The following RERE variants were observed in gnomAD, a reference collection of about 807,000 sequenced individuals.
The protein encoded by RERE is arginine-glutamic acid dipeptide repeats protein.
RERE carries 40 observed loss-of-function variants against 146.1 expected under a neutral mutation model. The observed-to-expected ratio is 0.27, with a 90% CI of 0.21 to 0.36. The LOEUF is 0.36. RERE is among the 10% of genes least tolerant of loss of function. The pLI, the probability that RERE is intolerant of heterozygous loss-of-function variation, is 1.00. For missense variants in RERE, 1,933 were observed against 2,138.7 expected (o/e 0.90, Z 1.90); for synonymous variants, 1,003 against 866.0 (o/e 1.16, Z -2.78).
chr1:8,583,894 C>T (rs943496027), intron 4 of RERE, among the ~76,000 whole-genome samples: 1 of 151,598 alleles, frequency 6.6e-6, no homozygotes, highest in Admixed American at 6.6e-5. Flanking sequence ...TTATACAAAC[C>T]TCATATAATG....
At chr1:8,795,666 C>T (rs770321952) in intron 1 of RERE, among the ~76,000 whole-genome samples, 1 of 152,030 alleles carries the variant, frequency 6.6e-6, no homozygotes, top group South Asian at 2.1e-4. Context: ...CAGTTCAGGA[C>T]ATTTTAGTGA....
chr1:8,422,748 C>T lies in RERE; in HGVS notation c.1263G>A (p.Glu421=). The change falls in exon 12 of 23, where the codon GAG becomes GAA. Residue 421 remains glutamate, a synonymous_variant. Coordinates refer to ENST00000400908, the MANE Select transcript of RERE (RefSeq NM_001042681.2). ...TCACTGTTTCCTTATTGGGAAGCAG[C>T]TCCTTTCTAATTCTGAAGAAGTTCT... is the stretch of plus-strand genomic sequence containing the variant. The part of the protein sequence containing the change: ...YGKNFFRIRK[E]LLPNKETGEL... 2.5e-6 allele frequency: 4 copies of T among 1,613,582 alleles called. No individual in the cohort carries two copies. The highest frequency in any genetic ancestry group is 1.7e-4 in the Middle Eastern group (1 of 6,056).
intron 1 of RERE, among the ~76,000 whole-genome samples, chr1:8,760,960 T>C (rs1640746145): frequency 6.6e-6 from 1 of 152,188 alleles, no homozygotes; most frequent in South Asian, 2.1e-4. Flanking sequence ...CATTTAGCTA[T>C]TATCAGCTCC....
At chr1:8,764,109 T>C (rs1640804810) in intron 1 of RERE, among the ~76,000 whole-genome samples, 1 of 151,972 alleles carries the variant, frequency 6.6e-6, no homozygotes, top group African/African-American at 2.4e-5. Context: ...CTTATCAAGA[T>C]GGTTCCCACG....
chr1:8,800,458 T>C (rs1641566612), intron 1 of RERE, among the ~76,000 whole-genome samples: 1 of 152,058 alleles, frequency 6.6e-6, no homozygotes, highest in East Asian at 1.9e-4. Context: ...CGAAAGTATA[T>C]CTTAAAATTC....
chr1:8,369,620 T>C (rs2124385642), intron 12 of RERE, among the ~76,000 whole-genome samples: 1 of 150,686 alleles, frequency 6.6e-6, no homozygotes, highest in African/African-American at 2.4e-5. Flanking sequence ...AACTTACAAT[T>C]CAGGAAGGTG....
intron 2 of RERE, among the ~76,000 whole-genome samples, chr1:8,630,932 T>C (rs1234494574): frequency 2.0e-5 from 3 of 152,236 alleles, no homozygotes; most frequent in Non-Finnish European, 4.4e-5. Flanking sequence ...TCCCCTCTTT[T>C]TTAAACATAA....
intron 4 of RERE, among the ~76,000 whole-genome samples, chr1:8,579,031 G>A (rs927459422): frequency 3.4e-4 from 52 of 152,286 alleles, no homozygotes; most frequent in African/African-American, 1.2e-3. Context: ...CCAAAGAAAT[G>A]TTTCTTGAAA....
chr1:8,512,253 T>C (rs531462467), intron 7 of RERE, among the ~76,000 whole-genome samples: 2 of 150,776 alleles, frequency 1.3e-5, no homozygotes, highest in East Asian at 1.9e-4. Flanking sequence ...CAGGATGGTC[T>C]CGATCTCCTG....
At chr1:8,557,385 AAC>A (rs762217264) in intron 5 of RERE, 31 bp downstream of exon 5, 2 of 1,375,916 alleles carry the variant, frequency 1.5e-6, no homozygotes, top group Non-Finnish European at 2.1e-6. Context: ...AAAGCTAAGA[AAC>A]ACACAAATCA....
At chr1:8,754,821 AGTTAATT>A (rs1640605245) in intron 1 of RERE, among the ~76,000 whole-genome samples, 1 of 152,208 alleles carries the variant, frequency 6.6e-6, no homozygotes, top group African/African-American at 2.4e-5. Flanking sequence ...AAAACCAGTA[AGTTAATT>A]GTTTTCCATG....
In RERE at chr1:8,528,921, G is replaced by T. The variant is rs540096406; in HGVS notation, c.830+12293C>A. Among the ~76,000 whole-genome samples, 17 of 152,288 alleles carry T rather than the reference G, an allele frequency of 1.1e-4. No individual in the cohort carries two copies. In the East Asian group the frequency reaches 2.7e-3, roughly 24 times the overall value. On this transcript the variant is annotated intron_variant, in intron 7 of 22. Coordinates refer to ENST00000400908, the MANE Select transcript of RERE (RefSeq NM_001042681.2). ...TGAAACAAGGTTTTGATTGGGTTTTGATTGTGATCTGTCACAGGAGGTCAG... is the reference window on the plus strand; with the variant it reads ...TGAAACAAGGTTTTGATTGGGTTTTTATTGTGATCTGTCACAGGAGGTCAG...
chr1:8,766,984 A>C (rs1359932622), intron 1 of RERE, among the ~76,000 whole-genome samples: 1 of 152,218 alleles, frequency 6.6e-6, no homozygotes, highest in East Asian at 1.9e-4. Context: ...ATGTATCAAA[A>C]ACTGCATTAT....
intron 7 of RERE, among the ~76,000 whole-genome samples, chr1:8,513,242 T>C (rs529433444): frequency 3.2e-3 from 484 of 152,288 alleles, no homozygotes; most frequent in South Asian, 0.011. Flanking sequence ...AAAATAGCAA[T>C]AAGCCCATTA....
intron 10 of RERE, among the ~76,000 whole-genome samples, chr1:8,474,474 A>G (rs1344853973): frequency 6.6e-6 from 1 of 152,196 alleles, no homozygotes; most frequent in East Asian, 1.9e-4. Flanking sequence ...ACATCTCTGG[A>G]TCTCAGGCAG....
At chr1:8,758,585 C>T (rs189008620) in intron 1 of RERE, among the ~76,000 whole-genome samples, 16 of 151,668 alleles carry the variant, frequency 1.1e-4, no homozygotes, top group African/African-American at 3.9e-4. Context: ...TTTGTAGTGA[C>T]GAGGTCTCGC....
At chr1:8,446,002 C>G (rs1459524400) in intron 11 of RERE, among the ~76,000 whole-genome samples, 1 of 152,168 alleles carries the variant, frequency 6.6e-6, no homozygotes, top group Non-Finnish European at 1.5e-5. Flanking sequence ...GTGGCTGGCG[C>G]CTGTTGTTCC....
At chr1:8,431,434 C>T (rs1230479819) in intron 11 of RERE, among the ~76,000 whole-genome samples, 1 of 152,182 alleles carries the variant, frequency 6.6e-6, no homozygotes, top group East Asian at 1.9e-4. Flanking sequence ...TGCAGGAAAA[C>T]AAGCTCAGGG....
intron 11 of RERE, among the ~76,000 whole-genome samples, chr1:8,459,303 C>T (rs1463065441): frequency 1.3e-5 from 2 of 152,064 alleles, no homozygotes; most frequent in Middle Eastern, 3.2e-3. Flanking sequence ...TATGTACATA[C>T]GTGTAATATA....
Sources: gnomAD v4.1 joint callset for allele counts (sites outside exome capture counted in the v4.1 genomes callset) on GRCh38, gnomAD v4.1.1 for gene constraint, MANE v1.5 for transcripts, NCBI Gene and HGNC (gene_info 2026-07-23, HGNC 2026-07-21) for gene names.